Variants in DDC observed in about 807,000 individuals in gnomAD.
DDC encodes dopa decarboxylase.
In DDC, 43 loss-of-function variants were observed where a neutral mutation model predicts 60.0. The ratio of observed to expected loss-of-function variants is 0.72; its 90% CI spans 0.56 to 0.92. DDC has a LOEUF of 0.92. Ranked by LOEUF, DDC falls within the 40% of genes least tolerant of loss-of-function variation. The probability of loss-of-function intolerance (pLI) is 0.00; values close to 1 mark genes in which losing one functional copy is unlikely to be tolerated. For missense variants in DDC, 573 were observed against 620.2 expected (o/e 0.92, Z 0.81); for synonymous variants, 232 against 234.6 (o/e 0.99, Z 0.10).
intron 6 of DDC, among the ~76,000 whole-genome samples, chr7:50,513,334 C>A (rs1466288471): frequency 6.6e-6 from 1 of 152,208 alleles, no homozygotes; most frequent in Non-Finnish European, 1.5e-5. Flanking sequence ...TGGGAACTCA[C>A]TGGGTTCCCA....
At chr7:50,505,888 C>G (rs539281013) in intron 6 of DDC, among the ~76,000 whole-genome samples, 55 of 152,362 alleles carry the variant, frequency 3.6e-4, no homozygotes, top group African/African-American at 1.1e-3. Flanking sequence ...TGTAGGCTTT[C>G]TTCTTGTTCA....
At chr7:50,540,960 A>T (rs1410837234) in intron 2 of DDC, among the ~76,000 whole-genome samples, 1 of 152,220 alleles carries the variant, frequency 6.6e-6, no homozygotes, top group Non-Finnish European at 1.5e-5. Flanking sequence ...ACAGAGAAGG[A>T]GCAGGTGTAG....
intron 3 of DDC, among the ~76,000 whole-genome samples, chr7:50,538,746 T>C (rs2044504385): frequency 6.6e-6 from 1 of 152,168 alleles, no homozygotes; most frequent in Non-Finnish European, 1.5e-5. Context: ...AATGAGCAGA[T>C]AGAGATGGAT....
chr7:50,496,815 T>A (rs1468313021), intron 8 of DDC, among the ~76,000 whole-genome samples: 1 of 152,148 alleles, frequency 6.6e-6, no homozygotes, highest in African/African-American at 2.4e-5. Flanking sequence ...TCTACTTGGT[T>A]TCAGGGATGT....
intron 1 of DDC, among the ~76,000 whole-genome samples, chr7:50,549,299 A>G (rs550206976): frequency 6.6e-5 from 10 of 152,310 alleles, no homozygotes; most frequent in Admixed American, 5.2e-4. Flanking sequence ...TCCTCTGATG[A>G]ACTTCAGCAA....
intron 9 of DDC, among the ~76,000 whole-genome samples, chr7:50,490,292 G>A (rs2042971355): frequency 6.6e-6 from 1 of 152,144 alleles, no homozygotes; most frequent in East Asian, 1.9e-4. Flanking sequence ...GTTCTCTTGG[G>A]ACCTTGAAAA....
At chr7:50,463,158 A>G in intron 14 of DDC, 55 bp downstream of exon 14, 2 of 1,431,058 alleles carry the variant, frequency 1.4e-6, no homozygotes. Context: ...CTCCAGGAGG[A>G]CACTCTTGCC....
intron 13 of DDC, among the ~76,000 whole-genome samples, chr7:50,464,426 C>T (rs142904464): frequency 1.8e-4 from 27 of 152,060 alleles, no homozygotes; most frequent in African/African-American, 5.5e-4. Context: ...ATTTGGAAAC[C>T]GTGGGTGAAC....
At chr7:50,521,909 A>G (rs1014537319) in intron 6 of DDC, among the ~76,000 whole-genome samples, 2 of 152,160 alleles carry the variant, frequency 1.3e-5, no homozygotes, top group African/African-American at 4.8e-5. Flanking sequence ...TCCTATCAAC[A>G]TTGTACTGAG....
intron 10 of DDC, 54 bp downstream of exon 10, chr7:50,479,729 GCAGC>G: frequency 6.8e-7 from 1 of 1,460,118 alleles, no homozygotes; most frequent in Non-Finnish European, 9.6e-7. Context: ...GACCTCCAGG[GCAGC>G]TCTGAGGGGA....
At chr7:50,486,145 A>T (rs1397529240) in intron 9 of DDC, among the ~76,000 whole-genome samples, 1 of 152,168 alleles carries the variant, frequency 6.6e-6, no homozygotes, top group Non-Finnish European at 1.5e-5. Flanking sequence ...AGTGACCCTG[A>T]TTTTGGCTCA....
At chr7:50,500,571 G>C (rs1390033239) in intron 7 of DDC, among the ~76,000 whole-genome samples, 1 of 152,184 alleles carries the variant, frequency 6.6e-6, no homozygotes, top group Admixed American at 6.5e-5. Flanking sequence ...AAGGCCTTGT[G>C]CTCTTCCTGG....
intron 11 of DDC, among the ~76,000 whole-genome samples, chr7:50,476,062 C>A (rs1223245345): frequency 6.6e-6 from 1 of 152,168 alleles, no homozygotes; most frequent in African/African-American, 2.4e-5. Flanking sequence ...GTTTCACCCT[C>A]CCCCTTGGGT....
rs1459336788 is a variant in DDC at position 50,479,825 on chromosome 7, A to T, written c.983T>A (p.Leu328Gln). 3 of 1,613,826 alleles carry T rather than the reference A, an allele frequency of 1.9e-6. No individual in the cohort carries two copies. The change falls in exon 10 of 15, where the codon CTG becomes CAG. Residue 328 changes from leucine (L) to glutamine (Q), a missense_variant. Coordinates refer to ENST00000444124, the MANE Select transcript of DDC (RefSeq NM_001082971.2). ...KRTDLTGAFR[L>Q]DPTYLKHSHQ... ...GCTGTGCTTCAGGTAAGTGGGGTCCAGTCTAAAGGCTCCCGTTAAGTCTGT... is the reference window on the plus strand; with the variant it reads ...GCTGTGCTTCAGGTAAGTGGGGTCCTGTCTAAAGGCTCCCGTTAAGTCTGT...
chr7:50,489,699 A>G (rs2042959773), intron 9 of DDC, among the ~76,000 whole-genome samples: 1 of 152,212 alleles, frequency 6.6e-6, no homozygotes, highest in African/African-American at 2.4e-5. Context: ...GGACACATAG[A>G]TTGGAAGAGC....
At chr7:50,535,605 C>T (rs1193921835) in intron 4 of DDC, among the ~76,000 whole-genome samples, 1 of 152,226 alleles carries the variant, frequency 6.6e-6, no homozygotes, top group Non-Finnish European at 1.5e-5. Flanking sequence ...GGCATGTGGC[C>T]TATTCAGGAA....
chr7:50,538,953 A>G (rs531409228), intron 3 of DDC, among the ~76,000 whole-genome samples: 12 of 152,212 alleles, frequency 7.9e-5, no homozygotes, highest in Admixed American at 3.3e-4. Flanking sequence ...TGGGCTCTTC[A>G]GCCCTGCCTG....
chr7:50,485,934 T>A (rs2042871046), intron 9 of DDC, among the ~76,000 whole-genome samples: 1 of 152,142 alleles, frequency 6.6e-6, no homozygotes, highest in East Asian at 1.9e-4. Flanking sequence ...CTAAAAAGCT[T>A]ATGAACAGAA....
At chr7:50,548,526 A>C (rs930913936) in intron 1 of DDC, among the ~76,000 whole-genome samples, 5 of 152,240 alleles carry the variant, frequency 3.3e-5, no homozygotes, top group African/African-American at 4.8e-5. Context: ...TCCTTAAGCC[A>C]AAGCGTAATC....
Sources: gnomAD v4.1 joint callset for allele counts (sites outside exome capture counted in the v4.1 genomes callset) on GRCh38, gnomAD v4.1.1 for gene constraint, MANE v1.5 for transcripts, NCBI Gene and HGNC (gene_info 2026-07-23, HGNC 2026-07-21) for gene names.